The following STK10 variants were observed in gnomAD, a reference collection of about 807,000 sequenced individuals.
STK10 encodes serine/threonine kinase 10, also known as serine/threonine-protein kinase 10.
A neutral mutation model predicts 113.8 loss-of-function variants in STK10; 78 were observed. That is an observed-to-expected ratio of 0.69 (90% confidence interval 0.57 to 0.83). STK10 has a LOEUF of 0.83. Ranked by LOEUF, STK10 falls within the 40% of genes least tolerant of loss-of-function variation. The pLI is 0.00. For synonymous variants in STK10, 465 were observed against 494.7 expected (o/e 0.94, Z 0.80); for missense variants, 1,109 against 1,280.1 (o/e 0.87, Z 2.04).
At chr5:172,116,572 A>G (rs1026609208) in intron 4 of STK10, among the ~76,000 whole-genome samples, 2 of 152,044 alleles carry the variant, frequency 1.3e-5, no homozygotes, top group Non-Finnish European at 2.9e-5. Flanking sequence ...AGACATTTAA[A>G]GAAGAAGGTT....
At chr5:172,064,838 C>G in intron 12 of STK10, 26 bp from the exon 13 acceptor site, 3 of 1,612,954 alleles carry the variant, frequency 1.9e-6, no homozygotes, top group Non-Finnish European at 2.5e-6. Flanking sequence ...CAGAGAGTAG[C>G]TGGGTCAGGG....
intron 5 of STK10, 40 bp from the exon 6 acceptor site, chr5:172,106,854 C>A: frequency 1.9e-6 from 3 of 1,572,504 alleles, no homozygotes; most frequent in South Asian, 1.2e-5. Context: ...AAGAATCTGG[C>A]CTTTACAGGT....
At chr5:172,063,312 AAAT>A (rs1767975231) in intron 13 of STK10, among the ~76,000 whole-genome samples, 1 of 152,048 alleles carries the variant, frequency 6.6e-6, no homozygotes, top group Non-Finnish European at 1.5e-5. Context: ...TCAGATAAAT[AAAT>A]AATGTGATCT....
At chr5:172,049,373 A>T (rs768684426) in intron 18 of STK10, among the ~76,000 whole-genome samples, 1 of 152,140 alleles carries the variant, frequency 6.6e-6, no homozygotes, top group Non-Finnish European at 1.5e-5. Flanking sequence ...AGGCCTGAAT[A>T]ATGCAGACAA....
At position 172,070,352 on chromosome 5, in the gene STK10, C is replaced by T. The variant is rs1768150797; in HGVS notation, c.1990-5540G>A. Among the ~76,000 whole-genome samples, 5 of 150,828 alleles carry T rather than the reference C, an allele frequency of 3.3e-5. No homozygotes were observed. The South Asian group carries it at 1.0e-3, about 32-fold the overall frequency. Reference sequence around the variant, plus strand: ...AACAATAAGAGAAAGATATGAGAGCCCCAAAACATTTTAAAATTAAACAAC... The same window carrying T: ...AACAATAAGAGAAAGATATGAGAGCTCCAAAACATTTTAAAATTAAACAAC... On this transcript the variant is annotated intron_variant, in intron 12 of 18. Transcript: ENST00000176763.
chr5:172,122,879 TC>T (rs1372110038), intron 3 of STK10, among the ~76,000 whole-genome samples: 1 of 152,172 alleles, frequency 6.6e-6, no homozygotes, highest in African/African-American at 2.4e-5. Context: ...CGCCTCGGCC[TC>T]CCAAAGTGCT....
chr5:172,160,650 T>C (rs1770452280), intron 1 of STK10, among the ~76,000 whole-genome samples: 2 of 152,138 alleles, frequency 1.3e-5, no homozygotes, highest in Admixed American at 1.3e-4. Context: ...TTGCCTTCCA[T>C]AACAACTCTG....
Position 172,093,358 on chromosome 5 carries a change from A to T in STK10, c.1554+54T>A. 1 of 1,518,238 alleles carries T rather than the reference A, an allele frequency of 6.6e-7. No individual in the cohort carries two copies. The highest frequency in any genetic ancestry group is 8.8e-7 in the Non-Finnish European group (1 of 1,130,652). The allele number at this position is 1,518,238 out of a possible 1,614,324, so 94.0% of individuals were successfully genotyped here. On this transcript the variant is annotated intron_variant, in intron 9 of 18. Coordinates refer to ENST00000176763, the MANE Select transcript of STK10 (RefSeq NM_005990.4). The surrounding 1 kb of genome is among the most constrained non-coding windows in gnomAD (Gnocchi z 4.1). ...GCTTTTGAAACCAAAATGGAGCCACAGAACATCCTGCAATGGTCTTGCTGC... is the reference window on the plus strand; with the variant it reads ...GCTTTTGAAACCAAAATGGAGCCACTGAACATCCTGCAATGGTCTTGCTGC...
At chr5:172,118,883 A>C in intron 3 of STK10, among the ~76,000 whole-genome samples, 1 of 141,520 alleles carries the variant, frequency 7.1e-6, no homozygotes, top group Non-Finnish European at 1.5e-5. Context: ...AGTCTCAAAA[A>C]AAAAAAAAAA....
chr5:172,102,000 G>A (rs1485755235), intron 7 of STK10, among the ~76,000 whole-genome samples: 1 of 152,110 alleles, frequency 6.6e-6, no homozygotes, highest in Non-Finnish European at 1.5e-5. Flanking sequence ...ACTCTAAGGG[G>A]CCCTGAGACT....
rs780347703 is a variant in STK10, at chr5:172,064,754, T to A, written c.2048A>T (p.Lys683Met). ...RQQRKESMKQKMEEHTQKKQL... is the reference protein window; with the variant it reads ...RQQRKESMKQMMEEHTQKKQL... ...CTTTTTCTGCGTGTGCTCCTCCATC[T>A]TCTGCTTCATGCTTTCCTTCCGCTG... Residue 683 changes from lysine (K) to methionine (M), a missense_variant, in exon 13 of 19, where the codon AAG becomes ATG. Around this residue, in one of 5 missense-constraint regions of STK10, gnomAD observed 885 missense variants for 991.1 expected, o/e 0.89. Coordinates refer to ENST00000176763, the MANE Select transcript of STK10 (RefSeq NM_005990.4). 51 of 1,614,066 alleles carry A rather than the reference T, an allele frequency of 3.2e-5. No individual in the cohort carries two copies. The Admixed American group carries it at 8.5e-4, about 27-fold the overall frequency.
In STK10 at chr5:172,082,634, C is replaced by T; in HGVS notation, c.1810-129G>A. On this transcript the variant is annotated intron_variant, in intron 11 of 18. Transcript: ENST00000176763. This position sits in a 1 kb window ranked among gnomAD's most constrained non-coding sequence, Gnocchi z 4.3. ...AGCTTGAATCCCAGCTCTACTACCC[C>T]GTTGCTGTGTGACCTGGGGCAAGTT... 6 of 1,243,306 alleles carry T rather than the reference C, an allele frequency of 4.8e-6. No homozygotes were observed. Among genetic ancestry groups the T allele is most frequent in the East Asian group, 2.6e-5 (1 of 38,828 alleles). The allele number at this position is 1,243,306 out of a possible 1,614,324, so 77.0% of individuals were successfully genotyped here.
At chr5:172,124,945 C>T (rs1346620804) in intron 3 of STK10, among the ~76,000 whole-genome samples, 1 of 152,176 alleles carries the variant, frequency 6.6e-6, no homozygotes, top group African/African-American at 2.4e-5. Context: ...CTATGTATTT[C>T]ATCTTCACAT....
rs548007814 is a variant in STK10 at position 172,172,976 on chromosome 5, TC to T, written c.156+14910del. On this transcript the variant is annotated intron_variant, in intron 1 of 18. Transcript: ENST00000176763. ...GCCTGGGTGACAGAGCAAGACTCTGTCAAAAAAAAGAAAAAAAAAAGCCTCT... is the reference window on the plus strand; with the variant it reads ...GCCTGGGTGACAGAGCAAGACTCTGTAAAAAAAAGAAAAAAAAAAGCCTCT... Among the ~76,000 whole-genome samples, 161 of 150,388 alleles carry T rather than the reference TC, an allele frequency of 1.1e-3. 1 individual carries two copies. Among genetic ancestry groups the T allele is most frequent in the African/African-American group, 3.9e-3 (161 of 41,010 alleles).
At chr5:172,069,001 A>G (rs1439764121) in intron 12 of STK10, among the ~76,000 whole-genome samples, 1 of 152,156 alleles carries the variant, frequency 6.6e-6, no homozygotes, top group African/African-American at 2.4e-5. Context: ...TCAACTCTAA[A>G]TAGATGCTGA....
At chr5:172,183,430 T>C (rs904255454) in intron 1 of STK10, among the ~76,000 whole-genome samples, 2 of 151,882 alleles carry the variant, frequency 1.3e-5, no homozygotes, top group East Asian at 3.8e-4. Flanking sequence ...ATAAGAATTT[T>C]GAAACCATAT....
At chr5:172,084,290 C>T (rs1768501090) in intron 10 of STK10, among the ~76,000 whole-genome samples, 1 of 152,038 alleles carries the variant, frequency 6.6e-6, no homozygotes, top group South Asian at 2.1e-4. Context: ...ATCCCAGCTA[C>T]TTAAGAGGCT....
intron 2 of STK10, among the ~76,000 whole-genome samples, chr5:172,144,616 G>A (rs989117616): frequency 7.2e-5 from 11 of 152,130 alleles, no homozygotes; most frequent in African/African-American, 2.7e-4. Context: ...TCCCAGGAAC[G>A]CTGGGCCAGG....
intron 3 of STK10, among the ~76,000 whole-genome samples, chr5:172,118,613 C>T (rs1050525182): frequency 6.6e-6 from 1 of 152,040 alleles, no homozygotes; most frequent in African/African-American, 2.4e-5. Context: ...GACGCAGTGG[C>T]TCATGCCTGT....
Sources: allele counts gnomAD v4.1 joint callset (sites outside exome capture counted in the v4.1 genomes callset), GRCh38; gene constraint gnomAD v4.1.1; regional missense constraint gnomAD v4.1.1; non-coding constraint Gnocchi (gnomAD v3.1); transcripts MANE v1.5; gene names NCBI Gene and HGNC (gene_info 2026-07-23, HGNC 2026-07-21).